Variants in RAP1B observed in about 807,000 individuals in gnomAD.
The protein encoded by RAP1B is RAP1B, member of RAS oncogene family.
RAP1B carries 1 observed loss-of-function variant against 27.5 expected under a neutral mutation model. That is an observed-to-expected ratio of 0.04 (90% CI 0.01 to 0.17). The LOEUF (loss-of-function observed/expected upper bound fraction) is 0.17. Among genes scored for constraint, RAP1B ranks in the 10% least tolerant of loss-of-function variants. The probability of loss-of-function intolerance (pLI) is 1.00; values close to 1 mark genes in which losing one functional copy is unlikely to be tolerated. For synonymous variants in RAP1B, 75 were observed against 73.1 expected, an observed-to-expected ratio of 1.03 and a Z score of -0.13; for missense variants, 84 against 214.8, an observed-to-expected ratio of 0.39 and a Z score of 3.81.
At chr12:68,626,888 C>G in intron 1 of RAP1B, 1 of 1,577,708 alleles carries the variant, frequency 6.3e-7, no homozygotes, top group Non-Finnish European at 8.6e-7. Flanking sequence ...GCAGGGCCCG[C>G]CACTTGTCCA....
In RAP1B at chr12:68,662,051, T is replaced by G. The variant is rs546507887; in HGVS notation, c.*2802T>G. On this transcript the variant is annotated 3_prime_UTR_variant, in exon 8 of 8. Coordinates refer to ENST00000250559, the MANE Select transcript of RAP1B (RefSeq NM_001010942.3). Reference sequence around the variant, plus strand: ...ATATATATTATATATAGTACATATATAGAGAGAGTATATATATATATGTAG... The same window carrying G: ...ATATATATTATATATAGTACATATAGAGAGAGAGTATATATATATATGTAG... The G allele has an allele frequency of 3.4e-5, 5 of 146,310 alleles. No individual in the cohort carries two copies. Among genetic ancestry groups the G allele is most frequent in the South Asian group, 2.1e-4 (1 of 4,652 alleles). 9.1% of individuals were successfully genotyped at this position (146,310 alleles called of 1,614,324 possible). A position where few individuals can be genotyped will look rare whatever the true frequency, so the allele number is the denominator to read the frequency against.
chr12:68,652,828 T>G (rs571940826), intron 4 of RAP1B, among the ~76,000 whole-genome samples: 9 of 151,980 alleles, frequency 5.9e-5, no homozygotes, highest in African/African-American at 1.7e-4. Context: ...GAAGAAAAAT[T>G]TTCAGTCTCA....
intron 1 of RAP1B, among the ~76,000 whole-genome samples, chr12:68,617,560 A>G (rs1011320764): frequency 4.0e-4 from 61 of 152,234 alleles, no homozygotes; most frequent in African/African-American, 1.3e-3. Flanking sequence ...TGTTTAAAAT[A>G]TAGAAAAGTA....
Position 68,652,014 on chromosome 12 carries a change from A to G in RAP1B, c.146A>G (p.Gln49Arg). 6.2e-7 allele frequency: 1 copy of G among 1,613,272 alleles called. No homozygotes were observed. The highest frequency in any genetic ancestry group is 8.5e-7 in the Non-Finnish European group (1 of 1,179,346). Residue 49 changes from glutamine to arginine, a missense_variant, in exon 4 of 8, where the codon CAA (glutamine) becomes CGA (arginine). Gln to Arg is a conservative substitution (Grantham distance 43). Coordinates refer to ENST00000250559, the MANE Select transcript of RAP1B (RefSeq NM_001010942.3). ...SYRKQVEVDA[Q>R]QCMLEILDTA... ...TACCAGCAAGTTGAAGTAGATGCACAACAGTGTATGCTTGAAATCTTGGAT... is the reference window on the plus strand; with the variant it reads ...TACCAGCAAGTTGAAGTAGATGCACGACAGTGTATGCTTGAAATCTTGGAT...
In RAP1B at chr12:68,627,399, A is replaced by G. The variant is rs922437206; in HGVS notation, c.-27+16356A>G. ...AGCAGGGTGTTTTTTAAAACACACA[A>G]ATATACCCAATCCCTACTAGAATGA... is the stretch of plus-strand genomic sequence containing the variant. On this transcript the variant is annotated intron_variant, in intron 1 of 7. Coordinates refer to ENST00000250559, the MANE Select transcript of RAP1B (RefSeq NM_001010942.3). 7.3e-5 allele frequency: 42 copies of G among 578,954 alleles called. 1 individual carries two copies. The highest frequency in any genetic ancestry group is 7.1e-4 in the South Asian group (39 of 54,828). The allele number at this position is 578,954 out of a possible 1,614,324, so 35.9% of individuals were successfully genotyped here.
chr12:68,657,133 A>G lies in RAP1B; in HGVS notation c.501A>G (p.Arg167=), dbSNP rs1874261304. 3 of 1,613,910 alleles carry G rather than the reference A, an allele frequency of 1.9e-6. No homozygotes were observed. The highest frequency in any genetic ancestry group is 1.1e-5 in the South Asian group (1 of 91,062). Residue 167 remains arginine, a synonymous_variant, in exon 7 of 8, where the codon AGA becomes AGG. Coordinates refer to ENST00000250559, the MANE Select transcript of RAP1B (RefSeq NM_001010942.3). The stretch of plus-strand genomic sequence containing the variant: ...ATGACCTAGTGCGGCAAATTAACAG[A>G]AAAACTCCAGTGCCTGGGAAGGCTC... The part of the protein sequence containing the change: ...IFYDLVRQIN[R]KTPVPGKARK...
Position 68,652,062 on chromosome 12 carries a change from C to T in RAP1B, c.183+11C>T, listed in dbSNP as rs1298979657. On this transcript the variant is annotated intron_variant, in intron 4 of 7. Coordinates refer to ENST00000250559, the MANE Select transcript of RAP1B (RefSeq NM_001010942.3). ...GATACTGCAGGAACGGTAGGTAAAACTAAATACCAAAGTATATACACCGTT... is the reference window on the plus strand; with the variant it reads ...GATACTGCAGGAACGGTAGGTAAAATTAAATACCAAAGTATATACACCGTT... The T allele has an allele frequency of 6.3e-7, 1 of 1,599,150 alleles. No homozygotes were observed. Among genetic ancestry groups the T allele is most frequent in the East Asian group, 2.2e-5 (1 of 44,766 alleles).
Position 68,648,562 on chromosome 12 carries a change from C to CT in RAP1B, c.-26-135dup, listed in dbSNP as rs984562905. ...CTCTGAGCATCTTTTAATAAGTCTG[C>CT]TTATAGGGTGCTCCATACTAGGGTT... On this transcript the variant is annotated intron_variant, in intron 1 of 7. Coordinates refer to ENST00000250559, the MANE Select transcript of RAP1B (RefSeq NM_001010942.3). 8 of 668,222 alleles carry CT rather than the reference C, an allele frequency of 1.2e-5. No homozygotes were observed. In the African/African-American group the frequency reaches 1.5e-4, roughly 12 times the overall value. 41.4% of individuals were successfully genotyped at this position (668,222 alleles called of 1,614,324 possible).
chr12:68,644,333 G>T (rs1873238469), intron 1 of RAP1B, among the ~76,000 whole-genome samples: 1 of 152,178 alleles, frequency 6.6e-6, no homozygotes, highest in Non-Finnish European at 1.5e-5. Flanking sequence ...GCTCACGCCT[G>T]TAATCCCAGC....
At chr12:68,611,278 G>A (rs1203396515) in intron 1 of RAP1B, among the ~76,000 whole-genome samples, 3 of 150,460 alleles carry the variant, frequency 2.0e-5, no homozygotes, top group Admixed American at 6.6e-5. Flanking sequence ...CGCCGCCGCG[G>A]GAGAACAGCG....
At chr12:68,648,592 A>G (rs972256655) in intron 1 of RAP1B, 107 bp from the exon 2 acceptor site, 1 of 904,726 alleles carries the variant, frequency 1.1e-6, no homozygotes, top group South Asian at 1.6e-5. Flanking sequence ...AGGGTTGTAT[A>G]GTAATCATTT....
At chr12:68,647,375 A>ACC (rs1873488204) in intron 1 of RAP1B, among the ~76,000 whole-genome samples, 3 of 7,362 alleles carry the variant, frequency 4.1e-4, no homozygotes, top group Non-Finnish European at 4.9e-4. Flanking sequence ...CCTGCCCCCC[A>ACC]CTCCACTCCC....
At chr12:68,635,647 G>T (rs1872578645) in intron 1 of RAP1B, among the ~76,000 whole-genome samples, 1 of 151,846 alleles carries the variant, frequency 6.6e-6, no homozygotes, top group African/African-American at 2.4e-5. Context: ...TAGAGACGGG[G>T]TTTCACCATA....
At chr12:68,624,670 G>A (rs535074660) in intron 1 of RAP1B, 1 of 152,294 alleles carries the variant, frequency 6.6e-6, no homozygotes, top group East Asian at 1.9e-4. Flanking sequence ...ATGAAAATTA[G>A]CCAGGCATGG....
chr12:68,610,930 T>A lies in RAP1B; in HGVS notation c.-140T>A, dbSNP rs1445011272. 1.3e-5 allele frequency: 4 copies of A among 309,166 alleles called. No individual in the cohort carries two copies. Among genetic ancestry groups the A allele is most frequent in the African/African-American group, 2.2e-5 (1 of 44,988 alleles). 19.2% of individuals were successfully genotyped at this position (309,166 alleles called of 1,614,324 possible). A position where few individuals can be genotyped will look rare whatever the true frequency, so the allele number is the denominator to read the frequency against. ...GCCAAACCTCGCCCAGATTCAGGCG[T>A]GTAAACCAGCCGGAGCGGCGCGGCA... On this transcript the variant is annotated 5_prime_UTR_variant, in exon 1 of 8. Transcript: ENST00000250559.
chr12:68,670,570 A>G lies in RAP1B; in HGVS notation c.*11321A>G, dbSNP rs947012817. The G allele has an allele frequency of 1.3e-5, 2 of 152,236 alleles. No individual in the cohort carries two copies. Among genetic ancestry groups the G allele is most frequent in the Non-Finnish European group, 2.9e-5 (2 of 68,042 alleles). 9.4% of individuals were successfully genotyped at this position (152,236 alleles called of 1,614,324 possible). A position where few individuals can be genotyped will look rare whatever the true frequency, so the allele number is the denominator to read the frequency against. On this transcript the variant is annotated 3_prime_UTR_variant, in exon 8 of 8. Transcript: ENST00000250559. ...GTTATGTCCCAATAAGCCCATCAGA[A>G]GTCAAAAATGTAAGTCGAAAATGCA... is the stretch of plus-strand genomic sequence containing the variant.
intron 7 of RAP1B, among the ~76,000 whole-genome samples, chr12:68,658,990 T>C (rs1022415409): frequency 1.3e-5 from 2 of 152,224 alleles, no homozygotes; most frequent in African/African-American, 2.4e-5. Flanking sequence ...TTTTTTCCTT[T>C]TTAATCCTTG....
chr12:68,641,487 C>T (rs1872999612), intron 1 of RAP1B, among the ~76,000 whole-genome samples: 1 of 152,124 alleles, frequency 6.6e-6, no homozygotes, highest in South Asian at 2.1e-4. Flanking sequence ...AAACTACGGT[C>T]TGTAGAGTAA....
At chr12:68,650,163 A>G in intron 2 of RAP1B, 1 of 273,886 alleles carries the variant, frequency 3.7e-6, no homozygotes, top group Non-Finnish European at 6.8e-6. Flanking sequence ...ATTTTTTAAT[A>G]TATGATCTCT....
Sources: gnomAD v4.1 joint callset for allele counts (sites outside exome capture counted in the v4.1 genomes callset) on GRCh38, gnomAD v4.1.1 for gene constraint, MANE v1.5 for transcripts, NCBI Gene and HGNC (gene_info 2026-07-23, HGNC 2026-07-21) for gene names.